The following SLC35D1 variants were observed in gnomAD, a reference collection of about 807,000 sequenced individuals.
SLC35D1 encodes nucleotide sugar transporter SLC35D1.
A neutral mutation model predicts 46.7 loss-of-function variants in SLC35D1; 31 were observed. The observed-to-expected ratio is 0.66, with a 90% CI of 0.50 to 0.90. SLC35D1 has a LOEUF of 0.90. Ranked by LOEUF, SLC35D1 falls within the 40% of genes least tolerant of loss-of-function variation. The pLI, the probability that SLC35D1 is intolerant of heterozygous loss-of-function variation, is 0.00. For synonymous variants in SLC35D1, 195 were observed against 164.6 expected (o/e 1.18, Z -1.41); for missense variants, 397 against 426.2 (o/e 0.93, Z 0.60).
chr1:67,038,840 CACACACACACACAA>C (rs1484916913), intron 8 of SLC35D1, among the ~76,000 whole-genome samples: 2 of 151,816 alleles, frequency 1.3e-5, no homozygotes, highest in East Asian at 1.9e-4. Flanking sequence ...TGTATACACA[CACACACACACACAA>C]ACACACACAC....
chr1:67,021,712 G>GACACACACACACACACACAC (rs1238454225), intron 8 of SLC35D1, 110 bp from the exon 9 acceptor site: 1 of 308,280 alleles, frequency 3.2e-6, no homozygotes, highest in African/African-American at 2.8e-5. Context: ...CACAGACACA[G>GACACACACACACACACACAC]ACACAGACAC....
Position 67,003,931 on chromosome 1 carries a change from G to A in SLC35D1, c.*409C>T, listed in dbSNP as rs1667393279. 1 of 204,764 alleles carries A rather than the reference G, an allele frequency of 4.9e-6. No individual in the cohort carries two copies. Among genetic ancestry groups the A allele is most frequent in the South Asian group, 8.4e-5 (1 of 11,902 alleles). The allele number at this position is 204,764 out of a possible 1,614,324, so 12.7% of individuals were successfully genotyped here. A position where few individuals can be genotyped will look rare whatever the true frequency, so the allele number is the denominator to read the frequency against. ...ATATTCGTCTGCATTTCCAGCAGAG[G>A]AAAGGCTAAACTGCCTCCAGATGCA... On this transcript the variant is annotated 3_prime_UTR_variant, in exon 12 of 12. Coordinates refer to ENST00000235345, the MANE Select transcript of SLC35D1 (RefSeq NM_015139.3).
the SLC35D1 span, among the ~76,000 whole-genome samples, chr1:66,983,209 A>G: frequency 9.9e-5 from 15 of 152,276 alleles, no homozygotes; most frequent in East Asian, 2.7e-3. Context: ...ACTTTTTTAT[A>G]TGGGGCTTTA....
intron 7 of SLC35D1, among the ~76,000 whole-genome samples, chr1:67,045,575 A>G (rs1645243797): frequency 6.6e-6 from 1 of 152,216 alleles, no homozygotes; most frequent in African/African-American, 2.4e-5. Context: ...TAAAAGTTCT[A>G]GTATAAATAA....
At position 67,020,509 on chromosome 1, in the gene SLC35D1, T is replaced by C. The variant is rs1667775060; in HGVS notation, c.798-62A>G. On this transcript the variant is annotated intron_variant, in intron 9 of 11. Coordinates refer to ENST00000235345, the MANE Select transcript of SLC35D1 (RefSeq NM_015139.3). Reference sequence around the variant, plus strand: ...ACTTTATACTAATCTCTAGCCAAGATAAACAATCAGTGTTGGCCAAGCCAG... The same window carrying C: ...ACTTTATACTAATCTCTAGCCAAGACAAACAATCAGTGTTGGCCAAGCCAG... The C allele has an allele frequency of 2.0e-5, 25 of 1,231,552 alleles. 1 individual carries two copies. In the South Asian group the frequency reaches 2.7e-4, roughly 13 times the overall value. 76.3% of individuals were successfully genotyped at this position (1,231,552 alleles called of 1,614,324 possible).
At chr1:67,036,348 A>G (rs571986641) in intron 8 of SLC35D1, among the ~76,000 whole-genome samples, 2 of 152,184 alleles carry the variant, frequency 1.3e-5, no homozygotes, top group East Asian at 1.9e-4. Context: ...TTTGTTTTAT[A>G]TATCGGTGCA....
intron 11 of SLC35D1, among the ~76,000 whole-genome samples, chr1:67,005,303 A>G (rs1667423584): frequency 6.6e-6 from 1 of 151,786 alleles, no homozygotes; most frequent in Non-Finnish European, 1.5e-5. Context: ...TAACCACTTG[A>G]CTCATGAACT....
chr1:66,985,235 A>C, the SLC35D1 span: 1 of 969,716 alleles, frequency 1.0e-6, no homozygotes, highest in Non-Finnish European at 1.2e-6. Context: ...TTCTCATTTG[A>C]TGTATTAATC....
At chr1:66,982,345 G>A in the SLC35D1 span, among the ~76,000 whole-genome samples, 1 of 152,130 alleles carries the variant, frequency 6.6e-6, no homozygotes, top group Non-Finnish European at 1.5e-5. Context: ...CTCTTTGATA[G>A]CATAATAACC....
chr1:66,985,805 GA>G, the SLC35D1 span: 1 of 829,254 alleles, frequency 1.2e-6, no homozygotes, highest in Non-Finnish European at 1.4e-6. Flanking sequence ...ATTCATAAAG[GA>G]TTATAAAATT....
At chr1:66,997,192 G>C (rs1667246939), downstream of SLC35D1, among the ~76,000 whole-genome samples, 1 of 152,114 alleles carries the variant, frequency 6.6e-6, no homozygotes, top group Non-Finnish European at 1.5e-5. Flanking sequence ...CCTGTGGAAT[G>C]ACAGAAAGTA....
rs1192146265 is a variant in SLC35D1 at position 67,000,146 on chromosome 1, T to C, written c.*4194A>G. On this transcript the variant is annotated 3_prime_UTR_variant, in exon 12 of 12. Transcript: ENST00000235345. ...AAAGGAAGAAACGAGCCAGGCGTAA[T>C]GGCACATGCCTATAGTCGTAGCTAC... 2.0e-5 allele frequency: 3 copies of C among 150,328 alleles called. No individual in the cohort carries two copies. The highest frequency in any genetic ancestry group is 4.4e-5 in the Non-Finnish European group (3 of 67,780). 9.3% of individuals were successfully genotyped at this position (150,328 alleles called of 1,614,324 possible). A position where few individuals can be genotyped will look rare whatever the true frequency, so the allele number is the denominator to read the frequency against.
downstream of SLC35D1, among the ~76,000 whole-genome samples, chr1:66,997,552 T>C (rs1259173870): frequency 2.5e-5 from 3 of 119,182 alleles, no homozygotes; most frequent in African/African-American, 6.0e-5. Flanking sequence ...CCTTTAGATA[T>C]AGATATATCT....
intron 6 of SLC35D1, among the ~76,000 whole-genome samples, chr1:67,048,722 G>A (rs1645276330): frequency 6.6e-6 from 1 of 152,206 alleles, no homozygotes. Context: ...GCCCTGGGCT[G>A]ATTAAAATGT....
chr1:67,045,915 T>C (rs1406713820), intron 7 of SLC35D1, among the ~76,000 whole-genome samples: 1 of 152,180 alleles, frequency 6.6e-6, no homozygotes, highest in Non-Finnish European at 1.5e-5. Context: ...TCATTAATAG[T>C]ATCTATTTTC....
intron 8 of SLC35D1, among the ~76,000 whole-genome samples, chr1:67,038,464 C>A (rs1329081392): frequency 2.0e-5 from 3 of 152,122 alleles, no homozygotes; most frequent in Non-Finnish European, 4.4e-5. Flanking sequence ...GTCTGTTCTT[C>A]CATCTCTATG....
At chr1:67,021,443 GAGACCTAA>G (rs1570619055) in intron 9 of SLC35D1, 84 bp downstream of exon 9, 1 of 1,321,892 alleles carries the variant, frequency 7.6e-7, no homozygotes, top group East Asian at 2.3e-5. Flanking sequence ...ACACACTCAG[GAGACCTAA>G]AGATATTGAG....
intron 10 of SLC35D1, among the ~76,000 whole-genome samples, chr1:67,013,997 G>C (rs534958177): frequency 2.6e-5 from 4 of 152,260 alleles, no homozygotes; most frequent in African/African-American, 9.6e-5. Flanking sequence ...TTCTACATTT[G>C]TAAAGCTCTA....
At chr1:66,989,186 T>C in the SLC35D1 span, among the ~76,000 whole-genome samples, 1 of 152,234 alleles carries the variant, frequency 6.6e-6, no homozygotes, top group Non-Finnish European at 1.5e-5. Context: ...CATTCACTGT[T>C]CCATGAGCAC....
Sources: allele counts gnomAD v4.1 joint callset (sites outside exome capture counted in the v4.1 genomes callset), GRCh38; gene constraint gnomAD v4.1.1; transcripts MANE v1.5; gene names NCBI Gene and HGNC (gene_info 2026-07-23, HGNC 2026-07-21).